NRXN3: variants seen among roughly 807,000 people sequenced by gnomAD.
The protein encoded by NRXN3 is neurexin III.
Under a neutral mutation model 137.6 loss-of-function variants are expected in NRXN3, and 32 were observed. The observed-to-expected ratio is 0.23, with a 90% CI of 0.18 to 0.31. The LOEUF (loss-of-function observed/expected upper bound fraction) is 0.31, where lower values mean the gene tolerates loss of function less well. NRXN3 is among the 10% of genes least tolerant of loss of function. The pLI is 1.00. For synonymous variants in NRXN3, 798 were observed against 784.5 expected, an observed-to-expected ratio of 1.02 and a Z score of -0.29; for missense variants, 1,574 against 2,062.5, an observed-to-expected ratio of 0.76 and a Z score of 4.59.
chr14:79,184,029 T>G (rs753694970), intron 15 of NRXN3, among the ~76,000 whole-genome samples: 5 of 152,060 alleles, frequency 3.3e-5, no homozygotes, highest in Admixed American at 6.6e-5. Context: ...TGGGGAGAGA[T>G]GTAGGCATCA....
chr14:79,482,775 C>T (rs1331252670), intron 16 of NRXN3, among the ~76,000 whole-genome samples: 1 of 152,122 alleles, frequency 6.6e-6, no homozygotes. Flanking sequence ...AAAGACTGCA[C>T]CATTTTTGGT....
At chr14:78,177,381 T>C (rs986622624) in intron 1 of NRXN3, among the ~76,000 whole-genome samples, 4 of 152,060 alleles carry the variant, frequency 2.6e-5, no homozygotes, top group Non-Finnish European at 5.9e-5. Context: ...AATGTGTGTT[T>C]TTTTTTTCAG....
At chr14:79,671,367 C>T (rs1296781839) in intron 17 of NRXN3, among the ~76,000 whole-genome samples, 1 of 152,044 alleles carries the variant, frequency 6.6e-6, no homozygotes, top group African/African-American at 2.4e-5. Flanking sequence ...TAGAATTTTT[C>T]TCTCAAGTTA....
chr14:79,663,803 T>A lies in NRXN3; in HGVS notation c.3470T>A (p.Phe1157Tyr). 1 of 1,613,126 alleles carries A rather than the reference T, an allele frequency of 6.2e-7. No homozygotes were observed. Among genetic ancestry groups the A allele is most frequent in the Non-Finnish European group, 8.5e-7 (1 of 1,179,514 alleles). Residue 1157 changes from phenylalanine (F) to tyrosine (Y), a missense_variant, in exon 17 of 21, where the codon TTC (phenylalanine) becomes TAC (tyrosine). Around this residue, in one of 5 missense-constraint regions of NRXN3, gnomAD observed 133 missense variants for 241.8 expected, o/e 0.55. Transcript: ENST00000335750. ...GAACAGGGGAAAATTGGAGTTGTCT[T>A]CAACATTGGCACAGTTGACATCTCC... ...HIEQGKIGVVFNIGTVDISIK... is the reference protein window; with the variant it reads ...HIEQGKIGVVYNIGTVDISIK...
At chr14:78,972,373 G>A (rs986313303) in intron 14 of NRXN3, among the ~76,000 whole-genome samples, 4 of 152,194 alleles carry the variant, frequency 2.6e-5, no homozygotes, top group African/African-American at 4.8e-5. Flanking sequence ...GCTTTTTGGT[G>A]TTCCCAAATC....
intron 10 of NRXN3, among the ~76,000 whole-genome samples, chr14:78,938,133 T>G (rs2099345636): frequency 6.6e-6 from 1 of 152,262 alleles, no homozygotes; most frequent in African/African-American, 2.4e-5. Flanking sequence ...GGACACATTC[T>G]CTGTGTTAGT....
At position 79,854,987 on chromosome 14, in the gene NRXN3, GAC is replaced by G. The variant is rs1350187077; in HGVS notation, c.4094-6347_4094-6346del. ...GGAACTAACAACTGGCAAAAACACA[GAC>G]ACACACAGAAGGCACACACACATTC... On this transcript the variant is annotated intron_variant, in intron 20 of 20. Transcript: ENST00000335750. Among the ~76,000 whole-genome samples the G allele has an allele frequency of 2.0e-5, 3 of 152,054 alleles. No individual in the cohort carries two copies. The East Asian group carries it at 5.8e-4, about 29-fold the overall frequency.
At chr14:78,661,980 A>G (rs2097845905) in intron 6 of NRXN3, among the ~76,000 whole-genome samples, 3 of 151,064 alleles carry the variant, frequency 2.0e-5, no homozygotes, top group African/African-American at 4.9e-5. Context: ...CCCTCCACCA[A>G]TTCTCATGCC....
chr14:78,690,816 C>G (rs1002855050), intron 6 of NRXN3, among the ~76,000 whole-genome samples: 3 of 152,030 alleles, frequency 2.0e-5, no homozygotes, highest in African/African-American at 4.8e-5. Context: ...TTTTAAAGTT[C>G]TGTAGAGAAT....
chr14:78,991,125 G>T (rs57057681), intron 15 of NRXN3, among the ~76,000 whole-genome samples: 1,728 of 152,238 alleles, frequency 0.011, 23 homozygotes, highest in African/African-American at 0.036. Context: ...AAGTGGTGGG[G>T]GAAATTGCAA....
At position 79,641,015 on chromosome 14, in the gene NRXN3, C is replaced by T. The variant is rs1336522166; in HGVS notation, c.3445-22763C>T. ...TGTTTAGAATAAATTATAATCTCCA[C>T]GTTTTTTTTTGAGACAGAGTCTCGC... On this transcript the variant is annotated intron_variant, in intron 16 of 20. Coordinates refer to ENST00000335750, the MANE Select transcript of NRXN3 (RefSeq NM_001330195.2). 1.5e-5 allele frequency among the ~76,000 whole-genome samples: 2 copies of T among 133,166 alleles called. 1 individual carries two copies. 87.4% of individuals were successfully genotyped at this position (133,166 alleles called of 152,430 possible).
At chr14:78,407,438 C>T (rs2092557228) in intron 4 of NRXN3, among the ~76,000 whole-genome samples, 1 of 152,084 alleles carries the variant, frequency 6.6e-6, no homozygotes. Context: ...CTTTGTTATT[C>T]TAGCAAAGAA....
intron 1 of NRXN3, among the ~76,000 whole-genome samples, chr14:78,213,281 G>GA (rs1555406512): frequency 1.3e-5 from 2 of 151,860 alleles, no homozygotes; most frequent in Non-Finnish European, 2.9e-5. Flanking sequence ...TGAGATGGGG[G>GA]AAGAGAATGG....
chr14:79,036,501 A>T (rs186203948), intron 15 of NRXN3, among the ~76,000 whole-genome samples: 142 of 152,104 alleles, frequency 9.3e-4, no homozygotes, highest in Middle Eastern at 6.8e-3. Context: ...ACAAAAACAA[A>T]ACAACAACTA....
rs8020784 is a variant in NRXN3, at chr14:78,215,703, G to T, written c.-703-26688G>T. Among the ~76,000 whole-genome samples, 560 of 145,282 alleles carry T rather than the reference G, an allele frequency of 3.9e-3. 4 individuals carry two copies. The highest frequency in any genetic ancestry group is 0.014 in the African/African-American group (539 of 39,382). On this transcript the variant is annotated intron_variant, in intron 1 of 20. Transcript: ENST00000335750. ...GCACCCTTGTCCACAGCTGTTTCCT[G>T]CCGCTGCTTTGTTGGTGCTGGGAAG...
At chr14:78,315,859 C>T (rs577892695) in intron 4 of NRXN3, among the ~76,000 whole-genome samples, 1 of 152,190 alleles carries the variant, frequency 6.6e-6, no homozygotes, top group East Asian at 1.9e-4. Flanking sequence ...GATAGGCCTG[C>T]TTATTTTTTG....
At chr14:79,832,660 A>G (rs2099327332) in intron 20 of NRXN3, among the ~76,000 whole-genome samples, 1 of 152,166 alleles carries the variant, frequency 6.6e-6, no homozygotes, top group Non-Finnish European at 1.5e-5. Context: ...CAAAATGGCA[A>G]TAGTGTAGAG....
intron 15 of NRXN3, among the ~76,000 whole-genome samples, chr14:79,192,068 T>C (rs4903839): frequency 0.036 from 5,423 of 152,206 alleles, 233 homozygotes; most frequent in East Asian, 0.21. Flanking sequence ...TTTGTATTTT[T>C]AGCAGAGATG....
intron 10 of NRXN3, among the ~76,000 whole-genome samples, chr14:78,902,121 G>A (rs1036717278): frequency 1.3e-5 from 2 of 151,526 alleles, no homozygotes; most frequent in South Asian, 2.1e-4. Flanking sequence ...TATTTTGATC[G>A]AAATAGACAA....
Sources: gnomAD v4.1 joint callset for allele counts (sites outside exome capture counted in the v4.1 genomes callset) on GRCh38, gnomAD v4.1.1 for gene constraint, gnomAD v4.1.1 regional missense constraint, MANE v1.5 for transcripts, NCBI Gene and HGNC (gene_info 2026-07-23, HGNC 2026-07-21) for gene names.